The following ANGPT1 variants were observed in gnomAD, a reference collection of about 807,000 sequenced individuals.
ANGPT1 encodes angiopoietin 1.
ANGPT1 carries 17 observed loss-of-function variants against 62.2 expected under a neutral mutation model. The observed-to-expected ratio is 0.27, with a 90% CI of 0.19 to 0.41. ANGPT1 has a LOEUF of 0.41. Ranked by LOEUF, ANGPT1 falls within the 10% of genes least tolerant of loss-of-function variation. ANGPT1 has a pLI of 1.00. For synonymous variants in ANGPT1, 199 were observed against 198.9 expected (o/e 1.00, Z 0.00); for missense variants, 478 against 594.9 (o/e 0.80, Z 2.04).
At chr8:107,311,238 CTGAACA>C in intron 4 of ANGPT1, among the ~76,000 whole-genome samples, 2 of 147,218 alleles carry the variant, frequency 1.4e-5, no homozygotes, top group Admixed American at 1.3e-4. Context: ...AATTTGGGCA[CTGAACA>C]ATATAAAGGG....
At chr8:107,494,561 A>T (rs1385382380) in intron 1 of ANGPT1, 1 of 152,190 alleles carries the variant, frequency 6.6e-6, no homozygotes, top group Non-Finnish European at 1.5e-5. Context: ...CTATCAACCT[A>T]CCTCATTTTA....
chr8:107,310,119 A>T (rs1032074609), intron 4 of ANGPT1, among the ~76,000 whole-genome samples: 1 of 152,060 alleles, frequency 6.6e-6, no homozygotes, highest in African/African-American at 2.4e-5. Flanking sequence ...CTTAACTACC[A>T]TTTTTTATGG....
At chr8:107,381,927 C>T (rs1012955941) in intron 1 of ANGPT1, among the ~76,000 whole-genome samples, 2 of 152,102 alleles carry the variant, frequency 1.3e-5, no homozygotes, top group Admixed American at 6.6e-5. Context: ...TATTCTTCCT[C>T]TATATGTGAG....
intron 1 of ANGPT1, among the ~76,000 whole-genome samples, chr8:107,436,631 A>G (rs940641441): frequency 1.3e-5 from 2 of 152,148 alleles, no homozygotes; most frequent in South Asian, 4.1e-4. Context: ...TCGTCTGCAG[A>G]TGTACTTCTC....
chr8:107,369,854 A>G (rs896867852), intron 1 of ANGPT1, among the ~76,000 whole-genome samples: 3 of 152,082 alleles, frequency 2.0e-5, no homozygotes, highest in Non-Finnish European at 1.5e-5. Context: ...AATGATCTCA[A>G]AGATCACTGA....
chr8:107,269,085 C>T (rs1554577303), intron 7 of ANGPT1, among the ~76,000 whole-genome samples: 1 of 152,002 alleles, frequency 6.6e-6, no homozygotes, highest in Non-Finnish European at 1.5e-5. Flanking sequence ...AAACTTTGCA[C>T]ATGAGGACAA....
At chr8:107,425,183 T>G (rs1238665282) in intron 1 of ANGPT1, among the ~76,000 whole-genome samples, 1 of 152,206 alleles carries the variant, frequency 6.6e-6, no homozygotes, top group Non-Finnish European at 1.5e-5. Flanking sequence ...AGAAAGACTA[T>G]TCTTAAAGCA....
intron 1 of ANGPT1, among the ~76,000 whole-genome samples, chr8:107,438,915 G>A (rs1672192): frequency 0.2 from 30,384 of 151,948 alleles, 3,232 homozygotes; most frequent in Non-Finnish European, 0.24. Context: ...CGAACAAAAT[G>A]TATTTTTTAA....
At chr8:107,368,972 C>T (rs992844063) in intron 1 of ANGPT1, among the ~76,000 whole-genome samples, 4 of 152,096 alleles carry the variant, frequency 2.6e-5, no homozygotes, top group African/African-American at 7.2e-5. Flanking sequence ...TTACCAGCTG[C>T]GTTATCCCCC....
chr8:107,281,959 G>A (rs1318569937), intron 7 of ANGPT1, among the ~76,000 whole-genome samples: 2 of 151,678 alleles, frequency 1.3e-5, no homozygotes, highest in African/African-American at 2.4e-5. Flanking sequence ...AAAAGCACAT[G>A]AGGCAGTGAT....
intron 1 of ANGPT1, among the ~76,000 whole-genome samples, chr8:107,496,472 G>A (rs41475846): frequency 0.17 from 25,549 of 151,936 alleles, 2,552 homozygotes; most frequent in African/African-American, 0.27. Context: ...ACTTAAACTC[G>A]CCAGGTACTG....
At chr8:107,425,772 AG>A (rs1403906967) in intron 1 of ANGPT1, among the ~76,000 whole-genome samples, 2 of 152,206 alleles carry the variant, frequency 1.3e-5, no homozygotes, top group Non-Finnish European at 2.9e-5. Flanking sequence ...CCAAAGCAAA[AG>A]AAAATATGAA....
chr8:107,426,987 T>C (rs1027398662), intron 1 of ANGPT1, among the ~76,000 whole-genome samples: 1 of 152,310 alleles, frequency 6.6e-6, no homozygotes, highest in Middle Eastern at 3.4e-3. Flanking sequence ...TATGTGTATG[T>C]ATTAAAAAGT....
intron 2 of ANGPT1, among the ~76,000 whole-genome samples, chr8:107,344,800 A>G (rs1370158013): frequency 6.6e-6 from 1 of 152,216 alleles, no homozygotes; most frequent in Non-Finnish European, 1.5e-5. Flanking sequence ...GCATGCCTGG[A>G]TAGCACAGAA....
intron 1 of ANGPT1, among the ~76,000 whole-genome samples, chr8:107,391,036 G>T (rs564446318): frequency 6.6e-6 from 1 of 152,240 alleles, no homozygotes; most frequent in Admixed American, 6.5e-5. Flanking sequence ...CATTTTTAAA[G>T]GTTGTAGATT....
chr8:107,495,593 C>A (rs1010670502), intron 1 of ANGPT1, among the ~76,000 whole-genome samples: 6 of 152,086 alleles, frequency 3.9e-5, no homozygotes, highest in African/African-American at 1.4e-4. Flanking sequence ...ATAGATCATT[C>A]AGGATAACTT....
chr8:107,413,894 G>A (rs571652674), intron 1 of ANGPT1, among the ~76,000 whole-genome samples: 1 of 152,120 alleles, frequency 6.6e-6, no homozygotes, highest in South Asian at 2.1e-4. Context: ...ATATGTTGTA[G>A]GTAAGATGGT....
chr8:107,395,605 C>A (rs1359170353), intron 1 of ANGPT1, among the ~76,000 whole-genome samples: 1 of 152,116 alleles, frequency 6.6e-6, no homozygotes, highest in Non-Finnish European at 1.5e-5. Context: ...TGTAATATTT[C>A]ACTTTGGCCT....
intron 8 of ANGPT1, among the ~76,000 whole-genome samples, chr8:107,263,190 C>T (rs2130030901): frequency 6.6e-6 from 1 of 151,742 alleles, no homozygotes; most frequent in South Asian, 2.1e-4. Context: ...CCCGTCTTTA[C>T]TAAAAATAGA....
Sources: allele counts gnomAD v4.1 joint callset (sites outside exome capture counted in the v4.1 genomes callset), GRCh38; gene constraint gnomAD v4.1.1; transcripts MANE v1.5; gene names NCBI Gene and HGNC (gene_info 2026-07-23, HGNC 2026-07-21).